PLCB1: variants seen among roughly 807,000 people sequenced by gnomAD.
PLCB1 encodes the protein 1-phosphatidylinositol 4,5-bisphosphate phosphodiesterase beta-1.
PLCB1 carries 46 observed loss-of-function variants against 161.8 expected under a neutral mutation model. That is an observed-to-expected ratio of 0.28 (90% CI 0.22 to 0.36). PLCB1 has a LOEUF of 0.36. PLCB1 is among the 10% of genes least tolerant of loss of function. The probability of loss-of-function intolerance (pLI) is 1.00; values close to 1 mark genes in which losing one functional copy is unlikely to be tolerated. For missense variants in PLCB1, 1,016 were observed against 1,472.5 expected (o/e 0.69, Z 5.07); for synonymous variants, 517 against 503.7 (o/e 1.03, Z -0.35).
intron 23 of PLCB1, 72 bp downstream of exon 23, chr20:8,741,645 G>A: frequency 1.1e-6 from 1 of 903,580 alleles, no homozygotes; most frequent in South Asian, 1.4e-5. Flanking sequence ...CTTTGCCTAA[G>A]TAATATCACA....
chr20:8,582,359 G>A (rs187660575), intron 3 of PLCB1, among the ~76,000 whole-genome samples: 11 of 152,214 alleles, frequency 7.2e-5, no homozygotes, highest in South Asian at 4.1e-4. Context: ...ATAGTGGCCC[G>A]TAGCCCATGA....
chr20:8,169,168 CCA>C (rs1451554840), intron 2 of PLCB1, among the ~76,000 whole-genome samples: 1 of 151,990 alleles, frequency 6.6e-6, no homozygotes, highest in African/African-American at 2.4e-5. Context: ...GGGTGGGGAG[CCA>C]CTGAGGTTAA....
At chr20:8,202,749 T>C (rs1978328339) in intron 2 of PLCB1, among the ~76,000 whole-genome samples, 2 of 152,170 alleles carry the variant, frequency 1.3e-5, no homozygotes, top group Admixed American at 1.3e-4. Context: ...ATGGTTTGCC[T>C]GCAATAATCA....
At chr20:8,875,936 TA>T (rs777437596) in intron 31 of PLCB1, among the ~76,000 whole-genome samples, 2 of 152,132 alleles carry the variant, frequency 1.3e-5, no homozygotes, top group Non-Finnish European at 2.9e-5. Flanking sequence ...TTTCCTTAAC[TA>T]TATCAAATCT....
In PLCB1 at chr20:8,421,112, A is replaced by C. The variant is rs548558487; in HGVS notation, c.246+49662A>C. 2.2e-4 allele frequency among the ~76,000 whole-genome samples: 34 copies of C among 152,318 alleles called. 2 individuals are homozygous for C. The South Asian group carries it at 7.0e-3, about 32-fold the overall frequency. On this transcript the variant is annotated intron_variant, in intron 3 of 31. Coordinates refer to ENST00000338037, the MANE Select transcript of PLCB1 (RefSeq NM_015192.4). ...GCCAATGAGAAGAGTGAACAGCATCATTATGTGGAGAAAGTGAATTATAGA... is the reference window on the plus strand; with the variant it reads ...GCCAATGAGAAGAGTGAACAGCATCCTTATGTGGAGAAAGTGAATTATAGA...
At chr20:8,149,805 A>G (rs1254017697) in intron 1 of PLCB1, among the ~76,000 whole-genome samples, 4 of 152,162 alleles carry the variant, frequency 2.6e-5, no homozygotes, top group African/African-American at 9.7e-5. Flanking sequence ...ACAAGTTTGT[A>G]TATATCTTTC....
intron 3 of PLCB1, among the ~76,000 whole-genome samples, chr20:8,517,908 GCGTGGTGGCTCAC>G (rs1984200629): frequency 6.6e-6 from 1 of 152,176 alleles, no homozygotes; most frequent in Non-Finnish European, 1.5e-5. Flanking sequence ...TCCTGGCTAG[GCGTGGTGGCTCAC>G]ACCTGTAATC....
At chr20:8,759,291 T>G (rs1981895172) in intron 24 of PLCB1, among the ~76,000 whole-genome samples, 1 of 152,216 alleles carries the variant, frequency 6.6e-6, no homozygotes, top group African/African-American at 2.4e-5. Flanking sequence ...GTCTCATCAC[T>G]GATGATATGG....
intron 3 of PLCB1, among the ~76,000 whole-genome samples, chr20:8,419,296 T>A (rs1207975190): frequency 6.6e-6 from 1 of 152,190 alleles, no homozygotes; most frequent in East Asian, 1.9e-4. Context: ...AATAGTCTTT[T>A]TACTGACTCT....
chr20:8,611,709 T>C (rs1375102016), intron 3 of PLCB1, among the ~76,000 whole-genome samples: 2 of 152,220 alleles, frequency 1.3e-5, no homozygotes, highest in African/African-American at 4.8e-5. Context: ...TCAGGGACTC[T>C]TCAATCAATT....
At chr20:8,691,822 G>T (rs1390100487) in intron 10 of PLCB1, among the ~76,000 whole-genome samples, 1 of 152,062 alleles carries the variant, frequency 6.6e-6, no homozygotes, top group African/African-American at 2.4e-5. Context: ...CTGAATGAGT[G>T]GTTTTTAATT....
At chr20:8,821,262 C>T (rs1985339369) in intron 31 of PLCB1, among the ~76,000 whole-genome samples, 1 of 151,182 alleles carries the variant, frequency 6.6e-6, no homozygotes, top group Admixed American at 6.6e-5. Flanking sequence ...GGGTGGATCA[C>T]GAGGTCAGGA....
intron 9 of PLCB1, among the ~76,000 whole-genome samples, chr20:8,675,631 T>C (rs1990056166): frequency 6.6e-6 from 1 of 152,182 alleles, no homozygotes; most frequent in Admixed American, 6.5e-5. Context: ...AGTAGAACCA[T>C]GGAACTTCAG....
At chr20:8,792,818 G>T (rs1219361073) in intron 31 of PLCB1, 7 of 353,170 alleles carry the variant, frequency 2.0e-5, no homozygotes, top group Admixed American at 3.8e-5. Context: ...GTTAATAAAG[G>T]GAAATGACAA....
chr20:8,463,334 T>C (rs1229161337), intron 3 of PLCB1, among the ~76,000 whole-genome samples: 5 of 152,102 alleles, frequency 3.3e-5, no homozygotes, highest in Non-Finnish European at 7.4e-5. Flanking sequence ...CCCTTATCCC[T>C]TCATTTTCTT....
intron 2 of PLCB1, among the ~76,000 whole-genome samples, chr20:8,289,223 A>T (rs1011096643): frequency 3.9e-5 from 6 of 152,208 alleles, no homozygotes; most frequent in African/African-American, 1.4e-4. Flanking sequence ...GAATTGATTG[A>T]GTGCTTTCAG....
intron 3 of PLCB1, among the ~76,000 whole-genome samples, chr20:8,426,165 C>T (rs566960177): frequency 6.6e-6 from 1 of 152,094 alleles, no homozygotes; most frequent in Admixed American, 6.6e-5. Flanking sequence ...GGATGGTTGG[C>T]GAAAAATGAA....
chr20:8,396,809 AC>A (rs1328084407), intron 3 of PLCB1, among the ~76,000 whole-genome samples: 1 of 152,084 alleles, frequency 6.6e-6, no homozygotes, highest in Non-Finnish European at 1.5e-5. Flanking sequence ...CTAACATGAC[AC>A]TGTAAGCATG....
chr20:8,681,086 G>GTGTGTATATATATATATATATATA (rs1394518085), intron 9 of PLCB1, among the ~76,000 whole-genome samples: 1 of 73,842 alleles, frequency 1.4e-5, no homozygotes, highest in Non-Finnish European at 2.6e-5. Context: ...ATGTGTGTGT[G>GTGTGTATATATATATATATATATA]TATATATATA....
Sources: gnomAD v4.1 joint callset for allele counts (sites outside exome capture counted in the v4.1 genomes callset) on GRCh38, gnomAD v4.1.1 for gene constraint, MANE v1.5 for transcripts, NCBI Gene and HGNC (gene_info 2026-07-23, HGNC 2026-07-21) for gene names.